Variants in IFT122 observed in about 807,000 individuals in gnomAD.
The protein encoded by IFT122 is intraflagellar transport protein 122 homolog.
Under a neutral mutation model 161.6 loss-of-function variants are expected in IFT122, and 118 were observed. The ratio of observed to expected loss-of-function variants is 0.73; its 90% CI spans 0.63 to 0.85. IFT122 has a LOEUF of 0.85. IFT122 is among the 40% of genes least tolerant of loss of function. The probability of loss-of-function intolerance (pLI) is 0.00; values close to 1 mark genes in which losing one functional copy is unlikely to be tolerated. For synonymous variants in IFT122, 550 were observed against 602.4 expected, an observed-to-expected ratio of 0.91 and a Z score of 1.27; for missense variants, 1,381 against 1,579.6, an observed-to-expected ratio of 0.87 and a Z score of 2.13.
At chr3:129,477,695 T>C (rs537927492) in intron 11 of IFT122, among the ~76,000 whole-genome samples, 112 of 152,308 alleles carry the variant, frequency 7.4e-4, no homozygotes, top group Non-Finnish European at 5.6e-4. Context: ...GTCAGTTACT[T>C]AGGCAGGCTT....
chr3:129,457,762 G>A (rs2075700734), intron 3 of IFT122, among the ~76,000 whole-genome samples: 1 of 138,240 alleles, frequency 7.2e-6, no homozygotes, highest in Non-Finnish European at 1.5e-5. Flanking sequence ...TTGAGATGGA[G>A]TCTCGCTCTG....
At chr3:129,470,908 T>C (rs2077303560) in intron 9 of IFT122, among the ~76,000 whole-genome samples, 1 of 152,198 alleles carries the variant, frequency 6.6e-6, no homozygotes, top group South Asian at 2.1e-4. Context: ...GTAGTGTGAA[T>C]AAGAAGTTTG....
At chr3:129,482,385 G>A (rs544506777) in intron 14 of IFT122, among the ~76,000 whole-genome samples, 6 of 152,286 alleles carry the variant, frequency 3.9e-5, no homozygotes, top group Admixed American at 1.3e-4. Context: ...CTTTGTAGGT[G>A]GTCAGGACTG....
chr3:129,496,094 A>T (rs1293341643), intron 18 of IFT122, among the ~76,000 whole-genome samples: 1 of 152,194 alleles, frequency 6.6e-6, no homozygotes, highest in Non-Finnish European at 1.5e-5. Flanking sequence ...AGTCAGGCAG[A>T]GCCTCCGCCC....
intron 1 of IFT122, among the ~76,000 whole-genome samples, chr3:129,446,373 C>T (rs1036788365): frequency 1.1e-4 from 17 of 150,494 alleles, no homozygotes; most frequent in East Asian, 1.9e-4. Flanking sequence ...TATAGGTGCC[C>T]GCCATCATGC....
At chr3:129,510,727 A>AG (rs1281940830) in intron 23 of IFT122, among the ~76,000 whole-genome samples, 7 of 152,214 alleles carry the variant, frequency 4.6e-5, no homozygotes, top group Non-Finnish European at 7.3e-5. Context: ...CTAGGAGCTA[A>AG]GGGGCCTCAG....
chr3:129,483,417 T>G, intron 14 of IFT122, 68 bp from the exon 15 acceptor site: 1 of 1,358,762 alleles, frequency 7.4e-7, no homozygotes, highest in Non-Finnish European at 1.1e-6. Flanking sequence ...GGTATTGGGC[T>G]GAAATGTGTG....
intron 3 of IFT122, chr3:129,456,187 A>G (rs2075456144): frequency 8.2e-7 from 1 of 1,222,166 alleles, no homozygotes; most frequent in Non-Finnish European, 1.1e-6. Context: ...TCTGACCCAG[A>G]GACTCTGAGC....
intron 25 of IFT122, chr3:129,515,148 A>G (rs559775366): frequency 6.6e-6 from 3 of 454,328 alleles, no homozygotes; most frequent in East Asian, 9.0e-5. Flanking sequence ...ATGAGCCAGT[A>G]TAGTCCACGT....
chr3:129,497,963 A>G (rs1182450766), intron 18 of IFT122, among the ~76,000 whole-genome samples: 1 of 152,246 alleles, frequency 6.6e-6, no homozygotes, highest in Non-Finnish European at 1.5e-5. Flanking sequence ...AAAGGGAATT[A>G]TAATGCTCTT....
intron 22 of IFT122, among the ~76,000 whole-genome samples, chr3:129,507,266 G>C (rs1022421334): frequency 4.6e-5 from 7 of 152,102 alleles, no homozygotes; most frequent in Non-Finnish European, 1.0e-4. Context: ...CTTCTGATAG[G>C]AGCAGCAGAG....
rs749337024 is a variant in IFT122 at position 129,502,916 on chromosome 3, C to A, written c.2547+34C>A. On this transcript the variant is annotated intron_variant, in intron 20 of 29. Coordinates refer to ENST00000348417, the MANE Select transcript of IFT122 (RefSeq NM_052989.3). ...AAAGCAGGCCTCATGGGCTGGGGCC[C>A]CACCTGAGCCCTGGGACACAGGCGG... 26 of 1,600,810 alleles carry A rather than the reference C, an allele frequency of 1.6e-5. No homozygotes were observed. In the South Asian group the frequency reaches 2.9e-4, roughly 18 times the overall value.
In IFT122 at chr3:129,463,746, A is replaced by G. The variant is rs755817744; in HGVS notation, c.416+120A>G. On this transcript the variant is annotated intron_variant, in intron 6 of 29. Coordinates refer to ENST00000348417, the MANE Select transcript of IFT122 (RefSeq NM_052989.3). ...TTAGGTAGTTGGTTTAGGCCCCTGT[A>G]TTTCCTTTTTTCTTCTTTCTTCGTC... is the stretch of plus-strand genomic sequence containing the variant. The G allele has an allele frequency of 6.4e-4, 496 of 774,232 alleles. 6 individuals are homozygous for G. Among genetic ancestry groups the G allele is most frequent in the Non-Finnish European group, 9.3e-5 (42 of 451,866 alleles). 48.0% of individuals were successfully genotyped at this position (774,232 alleles called of 1,614,324 possible).
intron 20 of IFT122, among the ~76,000 whole-genome samples, chr3:129,503,793 C>G (rs2081895489): frequency 6.6e-6 from 1 of 152,154 alleles, no homozygotes; most frequent in South Asian, 2.1e-4. Context: ...TAGAATGACT[C>G]AGACCTCGCT....
Position 129,495,454 on chromosome 3 carries a change from G to T in IFT122, c.2055G>T (p.Lys685Asn), listed in dbSNP as rs779236550. The T allele has an allele frequency of 3.1e-6, 5 of 1,614,068 alleles. No individual in the cohort carries two copies. Among genetic ancestry groups the T allele is most frequent in the Non-Finnish European group, 4.2e-6 (5 of 1,180,030 alleles). ...LELISSIEER[K>N]KRGETNNDLF... Reference sequence around the variant, plus strand: ...GCTTCTAATTTTTCCAGGAGAGGAAGAAGCGGGGAGAGACCAACAATGACC... The same window carrying T: ...GCTTCTAATTTTTCCAGGAGAGGAATAAGCGGGGAGAGACCAACAATGACC... Residue 685 changes from lysine to asparagine, a missense_variant, in exon 18 of 30, where the codon AAG (lysine) becomes AAT (asparagine). Lys to Asn is a moderately conservative substitution (Grantham distance 94). Around this residue, in one of 7 missense-constraint regions of IFT122, gnomAD observed 496 missense variants for 502.5 expected, o/e 0.99. Transcript: ENST00000348417.
At chr3:129,508,614 T>C (rs2082441622) in intron 23 of IFT122, among the ~76,000 whole-genome samples, 1 of 152,202 alleles carries the variant, frequency 6.6e-6, no homozygotes, top group Non-Finnish European at 1.5e-5. Flanking sequence ...GGAACCATTA[T>C]GATCAACACA....
chr3:129,492,806 C>CT (rs1173534468), intron 17 of IFT122, among the ~76,000 whole-genome samples: 3 of 139,782 alleles, frequency 2.1e-5, no homozygotes, highest in East Asian at 2.2e-4. Flanking sequence ...CAACACTATG[C>CT]TTTTTTTTTC....
At chr3:129,441,672 A>AATT (rs1205163581) in intron 1 of IFT122, among the ~76,000 whole-genome samples, 1 of 152,168 alleles carries the variant, frequency 6.6e-6, no homozygotes, top group Admixed American at 6.5e-5. Context: ...AGGTAACATA[A>AATT]ATGGGAGATG....
intron 4 of IFT122, chr3:129,460,917 AAG>A: frequency 1.2e-6 from 2 of 1,614,094 alleles, no homozygotes; most frequent in Non-Finnish European, 1.7e-6. Flanking sequence ...ACAAAACAGT[AAG>A]AGTAACAGCC....
Sources: gnomAD v4.1 joint callset for allele counts (sites outside exome capture counted in the v4.1 genomes callset) on GRCh38, gnomAD v4.1.1 for gene constraint, gnomAD v4.1.1 regional missense constraint, MANE v1.5 for transcripts, NCBI Gene and HGNC (gene_info 2026-07-23, HGNC 2026-07-21) for gene names.